Variants in ARHGAP29 observed in about 807,000 individuals in gnomAD.
ARHGAP29 encodes Rho GTPase activating protein 29.
In ARHGAP29, 43 loss-of-function variants were observed where a neutral mutation model predicts 122.6. That is an observed-to-expected ratio of 0.35 (90% CI 0.27 to 0.45). ARHGAP29 has a LOEUF of 0.45. Ranked by LOEUF, ARHGAP29 falls within the 20% of genes least tolerant of loss-of-function variation. The pLI is 1.00. For missense variants in ARHGAP29, 1,303 were observed against 1,477.2 expected (o/e 0.88, Z 1.93); for synonymous variants, 506 against 497.1 (o/e 1.02, Z -0.24).
At chr1:94,200,187 TAA>T (rs1650752301) in intron 12 of ARHGAP29, among the ~76,000 whole-genome samples, 2 of 151,948 alleles carry the variant, frequency 1.3e-5, no homozygotes, top group South Asian at 2.1e-4. Flanking sequence ...GCTAAAAGAA[TAA>T]AAAGAGAAGC....
chr1:94,180,369 TATGA>T (rs1649376546), intron 19 of ARHGAP29, among the ~76,000 whole-genome samples: 1 of 152,196 alleles, frequency 6.6e-6, no homozygotes, highest in African/African-American at 2.4e-5. Context: ...ATTTTCTTGA[TATGA>T]GAGAAACAGC....
chr1:94,181,467 G>A (rs1043610719), intron 19 of ARHGAP29, among the ~76,000 whole-genome samples: 2 of 152,146 alleles, frequency 1.3e-5, no homozygotes, highest in Admixed American at 6.6e-5. Context: ...TAAATGTAGA[G>A]ATCCTGTGGC....
At chr1:94,202,006 T>A in intron 11 of ARHGAP29, 149 bp from the exon 12 acceptor site, 1 of 749,840 alleles carries the variant, frequency 1.3e-6, no homozygotes, top group Non-Finnish European at 2.0e-6. Context: ...TTCTGGTCAG[T>A]GATTCAAAGG....
chr1:94,188,687 G>T, intron 15 of ARHGAP29, 150 bp downstream of exon 15: 1 of 648,370 alleles, frequency 1.5e-6, no homozygotes, highest in Non-Finnish European at 2.6e-6. Flanking sequence ...GCGAATATAT[G>T]AGGGGTTTTT....
intron 1 of ARHGAP29, among the ~76,000 whole-genome samples, chr1:94,274,163 A>G (rs1488221872): frequency 1.3e-5 from 2 of 152,212 alleles, no homozygotes; most frequent in Non-Finnish European, 2.9e-5. Flanking sequence ...AAACCCTTCT[A>G]TAAAGAACCA....
At chr1:94,271,392 G>C (rs545692035) in intron 1 of ARHGAP29, among the ~76,000 whole-genome samples, 78 of 152,320 alleles carry the variant, frequency 5.1e-4, no homozygotes, top group Admixed American at 9.8e-4. Context: ...CCACACTCAA[G>C]GGTAGGGGAT....
At chr1:94,312,585 C>T in the ARHGAP29 span, among the ~76,000 whole-genome samples, 1 of 151,882 alleles carries the variant, frequency 6.6e-6, no homozygotes, top group Admixed American at 6.6e-5. Context: ...GTGTGTGCCA[C>T]CACACCCAGC....
the ARHGAP29 span, among the ~76,000 whole-genome samples, chr1:94,310,784 G>A: frequency 1.2e-3 from 179 of 152,132 alleles, 2 homozygotes; most frequent in African/African-American, 4.1e-3. Flanking sequence ...AGTGATAAAG[G>A]GGGGCAGGAG....
At chr1:94,280,872 G>A in the ARHGAP29 span, among the ~76,000 whole-genome samples, 5 of 152,144 alleles carry the variant, frequency 3.3e-5, no homozygotes, top group Admixed American at 3.3e-4. Flanking sequence ...GGATAGGATG[G>A]AGTTGTCAAA....
intron 1 of ARHGAP29, among the ~76,000 whole-genome samples, chr1:94,253,270 A>G (rs1354827751): frequency 6.6e-6 from 1 of 152,008 alleles, no homozygotes; most frequent in Non-Finnish European, 1.5e-5. Flanking sequence ...CGCCCGATCC[A>G]TTCTCTTTTA....
At chr1:94,307,627 A>T in the ARHGAP29 span, among the ~76,000 whole-genome samples, 1 of 152,246 alleles carries the variant, frequency 6.6e-6, no homozygotes. Flanking sequence ...CACAGACCAG[A>T]GACCACATGT....
chr1:94,242,285 T>C (rs942474487), upstream of ARHGAP29, among the ~76,000 whole-genome samples: 3 of 152,112 alleles, frequency 2.0e-5, no homozygotes, highest in Admixed American at 6.6e-5. Flanking sequence ...GCATGCCTCA[T>C]AGTACATCTA....
chr1:94,254,144 G>A (rs978589770), intron 1 of ARHGAP29, among the ~76,000 whole-genome samples: 2 of 152,132 alleles, frequency 1.3e-5, no homozygotes, highest in Non-Finnish European at 2.9e-5. Context: ...TATAATATTG[G>A]TATCTAGAAA....
intron 2 of ARHGAP29, among the ~76,000 whole-genome samples, chr1:94,225,483 A>C (rs1652561135): frequency 6.6e-6 from 1 of 152,132 alleles, no homozygotes; most frequent in Non-Finnish European, 1.5e-5. Flanking sequence ...ACTACCTTTG[A>C]AAACAGATTT....
At chr1:94,212,314 A>G (rs1237062494) in intron 3 of ARHGAP29, among the ~76,000 whole-genome samples, 1 of 152,138 alleles carries the variant, frequency 6.6e-6, no homozygotes, top group Non-Finnish European at 1.5e-5. Flanking sequence ...ACATATCAAG[A>G]TTTGTGAAAG....
chr1:94,309,047 A>T, the ARHGAP29 span, among the ~76,000 whole-genome samples: 1 of 152,304 alleles, frequency 6.6e-6, no homozygotes, highest in Admixed American at 6.5e-5. Context: ...CTGGGATCAC[A>T]TTCCCAAGTG....
At chr1:94,282,088 T>TA in the ARHGAP29 span, among the ~76,000 whole-genome samples, 95 of 152,088 alleles carry the variant, frequency 6.2e-4, no homozygotes, top group African/African-American at 2.1e-3. Flanking sequence ...AATCTATGTT[T>TA]AAAAAATCTA....
intron 13 of ARHGAP29, 123 bp downstream of exon 13, chr1:94,189,799 ATATT>A (rs1650026353): frequency 2.4e-6 from 2 of 835,484 alleles, no homozygotes; most frequent in South Asian, 3.4e-5. Context: ...CCATAAAATA[ATATT>A]TAAAGAACTC....
At position 94,170,640 on chromosome 1, in the gene ARHGAP29, G is replaced by A. The variant is rs796738285; in HGVS notation, c.*3229C>T. Among the ~76,000 whole-genome samples the A allele has an allele frequency of 7.9e-5, 12 of 152,314 alleles. No individual in the cohort carries two copies. The highest frequency in any genetic ancestry group is 2.6e-4 in the African/African-American group (11 of 41,568). On this transcript the variant is annotated 3_prime_UTR_variant, in exon 23 of 23. Transcript: ENST00000260526. ...TGCCCTTGTCTTAAGGAAACACACA[G>A]TAGATAGAGGTAATAATGCAAAAAA... is the stretch of plus-strand genomic sequence containing the variant.
Sources: allele counts gnomAD v4.1 joint callset (sites outside exome capture counted in the v4.1 genomes callset), GRCh38; gene constraint gnomAD v4.1.1; transcripts MANE v1.5; gene names NCBI Gene and HGNC (gene_info 2026-07-23, HGNC 2026-07-21).